The following ARAP2 variants were observed in gnomAD, a reference collection of about 807,000 sequenced individuals.
The protein encoded by ARAP2 is arf-GAP with Rho-GAP domain, ANK repeat and PH domain-containing protein 2.
ARAP2 carries 148 observed loss-of-function variants against 194.5 expected under a neutral mutation model. The ratio of observed to expected loss-of-function variants is 0.76; its 90% CI spans 0.67 to 0.87. The LOEUF is 0.87. Among genes scored for constraint, ARAP2 ranks in the 40% least tolerant of loss-of-function variants. ARAP2 has a pLI of 0.00. For synonymous variants in ARAP2, 695 were observed against 683.5 expected (o/e 1.02, Z -0.26); for missense variants, 2,128 against 1,989.7 (o/e 1.07, Z -1.32).
intron 1 of ARAP2, among the ~76,000 whole-genome samples, chr4:36,240,452 C>A (rs1753296619): frequency 1.3e-5 from 2 of 152,324 alleles, no homozygotes; most frequent in South Asian, 4.1e-4. Flanking sequence ...CACCTGAAGA[C>A]TTAACACCTG....
chr4:36,221,750 GA>G (rs1275754566), intron 2 of ARAP2, among the ~76,000 whole-genome samples: 1 of 152,072 alleles, frequency 6.6e-6, no homozygotes, highest in Non-Finnish European at 1.5e-5. Flanking sequence ...AAGTTGTTTT[GA>G]AAACTCTTGA....
chr4:36,213,979 G>T (rs570240557), intron 3 of ARAP2, among the ~76,000 whole-genome samples: 1 of 152,230 alleles, frequency 6.6e-6, no homozygotes, highest in South Asian at 2.1e-4. Context: ...CAAAAAGAAT[G>T]TTCCCAAACT....
chr4:36,182,577 A>T (rs1739546460), intron 8 of ARAP2, among the ~76,000 whole-genome samples: 1 of 152,142 alleles, frequency 6.6e-6, no homozygotes, highest in South Asian at 2.1e-4. Context: ...ACATGATTTG[A>T]CCTTCGTATT....
chr4:36,214,240 G>A (rs575167707), intron 3 of ARAP2, among the ~76,000 whole-genome samples, 182 bp downstream of exon 3: 1 of 152,296 alleles, frequency 6.6e-6, no homozygotes, highest in Non-Finnish European at 1.5e-5. Flanking sequence ...GAGTCAGAGT[G>A]TATGTTATTG....
At chr4:36,128,770 A>C in intron 20 of ARAP2, 25 bp from the exon 21 acceptor site, 2 of 1,548,796 alleles carry the variant, frequency 1.3e-6, no homozygotes, top group Non-Finnish European at 1.8e-6. Flanking sequence ...AAAAAGTTAT[A>C]CTTTAAAAGT....
chr4:36,173,977 G>A (rs1046495488), intron 9 of ARAP2, among the ~76,000 whole-genome samples: 8 of 152,136 alleles, frequency 5.3e-5, no homozygotes, highest in Non-Finnish European at 5.9e-5. Flanking sequence ...ATCATCATCA[G>A]AAAGGAAGAC....
chr4:36,129,887 C>T (rs116766185), intron 20 of ARAP2, among the ~76,000 whole-genome samples: 1 of 151,704 alleles, frequency 6.6e-6, no homozygotes, highest in African/African-American at 2.4e-5. Context: ...ATCAAAATAA[C>T]CCGAAGGAAT....
intron 10 of ARAP2, among the ~76,000 whole-genome samples, chr4:36,166,422 A>G (rs985688295): frequency 3.9e-5 from 6 of 152,160 alleles, no homozygotes; most frequent in African/African-American, 1.4e-4. Flanking sequence ...ATAATATGAG[A>G]TATATAAAAA....
At position 36,066,619 on chromosome 4, in the gene ARAP2, A is replaced by G. The variant is rs1269465711; in HGVS notation, c.*1288T>C. 6.6e-6 allele frequency: 1 copy of G among 152,164 alleles called. No individual in the cohort carries two copies. The highest frequency in any genetic ancestry group is 1.9e-4 in the East Asian group (1 of 5,200). 9.4% of individuals were successfully genotyped at this position (152,164 alleles called of 1,614,324 possible). On this transcript the variant is annotated 3_prime_UTR_variant, in exon 33 of 33. Transcript: ENST00000303965. ...AATGTTTAATATCAAAACTCACCAG[A>G]CAATCCAATTTTAAAGAAACTGATG... is the stretch of plus-strand genomic sequence containing the variant.
At position 36,020,011 on chromosome 4, in the gene ARAP2, A is replaced by C. The variant is rs116143435; in HGVS notation, n.608-725T>G. Among the ~76,000 whole-genome samples the C allele has an allele frequency of 4.3e-3, 649 of 152,330 alleles. 4 individuals carry two copies. The highest frequency in any genetic ancestry group is 0.014 in the Middle Eastern group (4 of 294). On this transcript the variant is annotated intron_variant and non_coding_transcript_variant, in intron 5 of 12. Transcript: ENST00000503225. ...TTGAATTTATAGTTTAGGCATAGTA[A>C]GAGATGAATAACAATATCTATATGC...
At chr4:36,037,602 TAC>T (rs1720147774) in intron 5 of ARAP2, among the ~76,000 whole-genome samples, 1 of 152,150 alleles carries the variant, frequency 6.6e-6, no homozygotes, top group Admixed American at 6.6e-5. Context: ...AATAGTAACA[TAC>T]CTGCACTAAA....
chr4:36,028,157 T>C (rs913156955), intron 5 of ARAP2, among the ~76,000 whole-genome samples: 45 of 152,212 alleles, frequency 3.0e-4, no homozygotes, highest in African/African-American at 1.0e-3. Context: ...TCTATGTTCT[T>C]AGTGTTATTA....
chr4:36,117,324 C>G (rs1408263017), intron 24 of ARAP2, among the ~76,000 whole-genome samples, 189 bp from the exon 25 acceptor site: 1 of 151,698 alleles, frequency 6.6e-6, no homozygotes, highest in Non-Finnish European at 1.5e-5. Context: ...GGCATTTACA[C>G]AAATGTTATA....
In ARAP2 at chr4:36,059,555, G is replaced by A. The variant is rs1029271249; in HGVS notation, n.148-1412C>T. ...GCTAGTTGTACATTCAAGTGGAAAT[G>A]TAAACTACAGTCTGGAACTCAGTGA... is the stretch of plus-strand genomic sequence containing the variant. On this transcript the variant is annotated intron_variant and non_coding_transcript_variant, in intron 1 of 12. Coordinates refer to the ARAP2 transcript ENST00000503225. Among the ~76,000 whole-genome samples the A allele has an allele frequency of 2.6e-5, 4 of 152,196 alleles. No homozygotes were observed. The East Asian group carries it at 5.8e-4, about 22-fold the overall frequency.
chr4:36,237,083 A>G (rs941731371), intron 1 of ARAP2, among the ~76,000 whole-genome samples: 3 of 152,222 alleles, frequency 2.0e-5, no homozygotes, highest in African/African-American at 4.8e-5. Context: ...ATTAAGGGAG[A>G]ACATCTTTGT....
intron 1 of ARAP2, among the ~76,000 whole-genome samples, chr4:36,231,679 A>C (rs1345491261): frequency 6.6e-6 from 1 of 152,146 alleles, no homozygotes. Context: ...GGAGAAAAAC[A>C]ATTTTAATAA....
rs564968602 is a variant in ARAP2 at position 36,031,951 on chromosome 4, G to A, written n.608-12665C>T. Among the ~76,000 whole-genome samples, 308 of 152,216 alleles carry A rather than the reference G, an allele frequency of 2.0e-3. 1 individual carries two copies. Among genetic ancestry groups the A allele is most frequent in the African/African-American group, 7.2e-3 (298 of 41,532 alleles). The stretch of plus-strand genomic sequence containing the variant: ...CCCAAAGTGCTGGGATTACAGACAT[G>A]AGCCACCATGCCAGGCCAAGTTTCT... On this transcript the variant is annotated intron_variant and non_coding_transcript_variant, in intron 5 of 12. Transcript: ENST00000503225.
rs528535651 is a variant in ARAP2, at chr4:36,187,024, G to C, written c.1678+427C>G. ...GGAAAAATTGTCTTCCACGAAACCA[G>C]TCCCTGGTGCAAAAAAGGTTGGGAA... On this transcript the variant is annotated intron_variant, in intron 8 of 32. Transcript: ENST00000303965. Among the ~76,000 whole-genome samples, 25 of 152,308 alleles carry C rather than the reference G, an allele frequency of 1.6e-4. No individual in the cohort carries two copies. In the South Asian group the frequency reaches 2.5e-3, roughly 15 times the overall value.
At chr4:36,236,274 C>T (rs1752436791) in intron 1 of ARAP2, among the ~76,000 whole-genome samples, 1 of 152,076 alleles carries the variant, frequency 6.6e-6, no homozygotes, top group African/African-American at 2.4e-5. Flanking sequence ...CAAACTCCCT[C>T]CCCATTACCC....
Sources: allele counts gnomAD v4.1 joint callset (sites outside exome capture counted in the v4.1 genomes callset), GRCh38; gene constraint gnomAD v4.1.1; transcripts MANE v1.5; gene names NCBI Gene and HGNC (gene_info 2026-07-23, HGNC 2026-07-21).